The following ARHGAP6 variants were observed in gnomAD, a reference collection of about 807,000 sequenced individuals.
ARHGAP6 encodes the protein rho GTPase-activating protein 6.
Under a neutral mutation model 55.7 loss-of-function variants are expected in ARHGAP6, and 16 were observed. That is an observed-to-expected ratio of 0.29 (90% CI 0.19 to 0.44). The LOEUF (loss-of-function observed/expected upper bound fraction) is 0.44, where lower values mean the gene tolerates loss of function less well. Among genes scored for constraint, ARHGAP6 ranks in the 20% least tolerant of loss-of-function variants. ARHGAP6 has a pLI of 1.00. For missense variants in ARHGAP6, 698 were observed against 808.9 expected (o/e 0.86, Z 1.66); for synonymous variants, 382 against 360.9 (o/e 1.06, Z -0.66).
At chrX:11,582,820 C>A (rs931419076) in intron 1 of ARHGAP6, among the ~76,000 whole-genome samples, 2 of 111,025 alleles carry the variant, frequency 1.8e-5, no homozygotes, top group Admixed American at 9.6e-5. Context: ...TTGTAATAAT[C>A]ATTTCAGAGT....
At chrX:11,572,997 G>A (rs1370442176) in intron 1 of ARHGAP6, among the ~76,000 whole-genome samples, 1 of 111,994 alleles carries the variant, frequency 8.9e-6, no homozygotes, top group East Asian at 2.8e-4. Context: ...CTTTTGAGAA[G>A]TGTCTGTTCA....
rs770765320 is a variant in ARHGAP6 at position 11,529,024 on chromosome X, A to G, written c.588+135217T>C. 2.7e-5 allele frequency among the ~76,000 whole-genome samples: 3 copies of G among 112,030 alleles called. No homozygotes were observed. In the South Asian group the frequency reaches 1.1e-3, roughly 42 times the overall value. ...AAAGAAGTTGGATAGAGCAAGAAAC[A>G]TCTGTGTGTGCTTCTGATGTCACAC... On this transcript the variant is annotated intron_variant, in intron 1 of 12. Coordinates refer to ENST00000337414, the MANE Select transcript of ARHGAP6 (RefSeq NM_013427.3).
intron 1 of ARHGAP6, among the ~76,000 whole-genome samples, chrX:11,594,975 G>C (rs1275796851): frequency 8.9e-6 from 1 of 111,940 alleles, no homozygotes; most frequent in African/African-American, 3.2e-5. Context: ...ACAACTTTCT[G>C]GAGATTTCTT....
intron 1 of ARHGAP6, among the ~76,000 whole-genome samples, chrX:11,540,683 G>A (rs1177325728): frequency 8.9e-6 from 1 of 112,344 alleles, no homozygotes; most frequent in Non-Finnish European, 1.9e-5. Context: ...AGGCTTGAGA[G>A]AATATGCAGA....
intron 1 of ARHGAP6, among the ~76,000 whole-genome samples, chrX:11,386,264 C>A (rs949611682): frequency 1.4e-4 from 16 of 112,962 alleles, no homozygotes; most frequent in African/African-American, 4.8e-4. Context: ...AGCAATGGGG[C>A]AATTTATGAT....
chrX:11,608,277 C>T (rs1460218870), intron 1 of ARHGAP6, among the ~76,000 whole-genome samples: 1 of 111,616 alleles, frequency 9.0e-6, no homozygotes, highest in Non-Finnish European at 1.9e-5. Flanking sequence ...AATGATGGTT[C>T]TGGTACATTT....
chrX:11,362,913 C>T (rs1187215486), intron 1 of ARHGAP6, among the ~76,000 whole-genome samples: 1 of 111,160 alleles, frequency 9.0e-6, no homozygotes, highest in Non-Finnish European at 1.9e-5. Flanking sequence ...GAATACTGTC[C>T]ACAAACACAG....
At chrX:11,231,877 T>TGTGA (rs1249489689) in intron 2 of ARHGAP6, among the ~76,000 whole-genome samples, 2 of 112,445 alleles carry the variant, frequency 1.8e-5, no homozygotes, top group African/African-American at 3.2e-5. Flanking sequence ...AGAGGGTTAC[T>TGTGA]GTGTCACAGG....
intron 1 of ARHGAP6, among the ~76,000 whole-genome samples, chrX:11,623,618 A>T (rs941331649): frequency 2.9e-5 from 3 of 104,767 alleles, no homozygotes; most frequent in Non-Finnish European, 5.8e-5. Context: ...AATGGCGTGA[A>T]CCCGGGAGGC....
chrX:11,577,932 G>A (rs1230539625), intron 1 of ARHGAP6, among the ~76,000 whole-genome samples: 3 of 111,316 alleles, frequency 2.7e-5, no homozygotes, highest in Non-Finnish European at 5.7e-5. Flanking sequence ...TGTCTCAGGG[G>A]CCACATCATA....
intron 1 of ARHGAP6, among the ~76,000 whole-genome samples, chrX:11,517,027 C>T (rs185572519): frequency 2.7e-5 from 3 of 111,917 alleles, no homozygotes; most frequent in African/African-American, 9.7e-5. Context: ...TGCTGCATAA[C>T]AATAATAACA....
intron 1 of ARHGAP6, among the ~76,000 whole-genome samples, chrX:11,611,358 G>A (rs1443442315): frequency 1.8e-5 from 2 of 111,756 alleles, no homozygotes; most frequent in Non-Finnish European, 3.8e-5. Context: ...TAAGAAAAAC[G>A]GCAAGAAGCT....
intron 6 of ARHGAP6, among the ~76,000 whole-genome samples, chrX:11,181,036 GC>G (rs1321594701): frequency 8.9e-6 from 1 of 112,372 alleles, no homozygotes; most frequent in African/African-American, 3.2e-5. Flanking sequence ...TACACTCACA[GC>G]CGGTTGGCAG....
intron 1 of ARHGAP6, among the ~76,000 whole-genome samples, chrX:11,392,722 G>T (rs1410920490): frequency 1.8e-5 from 2 of 111,849 alleles, no homozygotes; most frequent in Admixed American, 9.5e-5. Flanking sequence ...ATCACAGAAG[G>T]AAGAATCAAA....
At chrX:11,503,052 C>T (rs1466951026) in intron 1 of ARHGAP6, among the ~76,000 whole-genome samples, 1 of 110,371 alleles carries the variant, frequency 9.1e-6, no homozygotes, top group African/African-American at 3.3e-5. Flanking sequence ...TGCGCCACCA[C>T]GTCTGGCTAA....
intron 1 of ARHGAP6, among the ~76,000 whole-genome samples, chrX:11,393,005 A>T (rs1320782809): frequency 2.7e-5 from 3 of 111,704 alleles, no homozygotes; most frequent in Non-Finnish European, 5.7e-5. Flanking sequence ...TACAAGAAGG[A>T]TATCCTGAAA....
chrX:11,258,672 A>G (rs752544982), intron 1 of ARHGAP6, among the ~76,000 whole-genome samples: 5 of 111,813 alleles, frequency 4.5e-5, no homozygotes, highest in Non-Finnish European at 7.5e-5. Flanking sequence ...CGATGCTTCA[A>G]GTTTACTTTA....
chrX:11,370,463 T>C lies in ARHGAP6; in HGVS notation c.589-115756A>G, dbSNP rs758922887. 3.6e-5 allele frequency among the ~76,000 whole-genome samples: 4 copies of C among 111,973 alleles called. No homozygotes were observed. In the East Asian group the frequency reaches 1.1e-3, roughly 32 times the overall value. Reference sequence around the variant, plus strand: ...CCTTCTGGCTATAAACATTTCTCTTTCCTCTGATGTCAGTCCTAATGTAGG... The same window carrying C: ...CCTTCTGGCTATAAACATTTCTCTTCCCTCTGATGTCAGTCCTAATGTAGG... On this transcript the variant is annotated intron_variant, in intron 1 of 12. Coordinates refer to ENST00000337414, the MANE Select transcript of ARHGAP6 (RefSeq NM_013427.3).
intron 1 of ARHGAP6, among the ~76,000 whole-genome samples, chrX:11,610,799 G>A (rs1330359361): frequency 1.8e-5 from 2 of 111,579 alleles, no homozygotes; most frequent in African/African-American, 6.5e-5. Flanking sequence ...TCCCATCTAT[G>A]TCCATTAGCA....
Sources: allele counts gnomAD v4.1 joint callset (sites outside exome capture counted in the v4.1 genomes callset), GRCh38; gene constraint gnomAD v4.1.1; transcripts MANE v1.5; gene names NCBI Gene and HGNC (gene_info 2026-07-23, HGNC 2026-07-21).